NFIB: variants seen among roughly 807,000 people sequenced by gnomAD.
The protein encoded by NFIB is nuclear factor I B.
Under a neutral mutation model 61.5 loss-of-function variants are expected in NFIB, and 11 were observed. The ratio of observed to expected loss-of-function variants is 0.18; its 90% confidence interval spans 0.11 to 0.30. The LOEUF is 0.30. Among genes scored for constraint, NFIB ranks in the 10% least tolerant of loss-of-function variants. The pLI, the probability that NFIB is intolerant of heterozygous loss-of-function variation, is 1.00. For missense variants in NFIB, 471 were observed against 608.9 expected, an observed-to-expected ratio of 0.77 and a Z score of 2.38; for synonymous variants, 260 against 216.5, an observed-to-expected ratio of 1.20 and a Z score of -1.76.
At position 14,086,592 on chromosome 9, in the gene NFIB, C is replaced by CAACTAT. The variant is rs1191970284; in HGVS notation, c.*1711_*1716dup. The CAACTAT allele has an allele frequency of 9.3e-6, 2 of 214,926 alleles. No individual in the cohort carries two copies. The highest frequency in any genetic ancestry group is 4.5e-5 in the African/African-American group (2 of 44,308). The allele number at this position is 214,926 out of a possible 1,614,324, so 13.3% of individuals were successfully genotyped here. On this transcript the variant is annotated 3_prime_UTR_variant, in exon 11 of 11. Transcript: ENST00000380953. ...CTGGTCGATTACAATTTTTAAGCGG[C>CAACTAT]AACTATACACAGCCATGATATGCTT...
intron 10 of NFIB, among the ~76,000 whole-genome samples, chr9:14,109,325 C>A (rs149188032): frequency 1.3e-5 from 2 of 151,874 alleles, no homozygotes; most frequent in Non-Finnish European, 2.9e-5. Flanking sequence ...AACGAATTTG[C>A]ACAATGTGTT....
At chr9:14,365,408 C>T (rs930418559) in intron 1 of NFIB, among the ~76,000 whole-genome samples, 1 of 152,220 alleles carries the variant, frequency 6.6e-6, no homozygotes, top group Non-Finnish European at 1.5e-5. Context: ...AGACTCCACT[C>T]ACCACCAAGT....
At chr9:14,480,356 G>A in the NFIB span, among the ~76,000 whole-genome samples, 3 of 152,068 alleles carry the variant, frequency 2.0e-5, no homozygotes, top group African/African-American at 7.2e-5. Flanking sequence ...CTCAAAGCAA[G>A]CATAAGATTT....
the NFIB span, among the ~76,000 whole-genome samples, chr9:14,420,459 A>AAAAAAAAAAAAAAC: frequency 6.7e-6 from 1 of 150,286 alleles, no homozygotes; most frequent in Non-Finnish European, 1.5e-5. Context: ...AAAAAAAAAA[A>AAAAAAAAAAAAAAC]AAAAAAAAAA....
intron 1 of NFIB, among the ~76,000 whole-genome samples, chr9:14,382,561 C>A (rs2061501402): frequency 6.6e-6 from 1 of 151,920 alleles, no homozygotes; most frequent in Non-Finnish European, 1.5e-5. Flanking sequence ...TTTGGAACTA[C>A]CATTTTGGAA....
chr9:14,431,511 C>T, the NFIB span, among the ~76,000 whole-genome samples: 28,199 of 152,078 alleles, frequency 0.19, 2,971 homozygotes, highest in African/African-American at 0.28. Flanking sequence ...GCATGCCTGC[C>T]AGGCACCAGT....
At chr9:14,214,099 G>A (rs1208188046) in intron 2 of NFIB, among the ~76,000 whole-genome samples, 1 of 152,046 alleles carries the variant, frequency 6.6e-6, no homozygotes, top group Non-Finnish European at 1.5e-5. Flanking sequence ...TCCCCAAATA[G>A]GCCACATCCT....
intron 2 of NFIB, among the ~76,000 whole-genome samples, chr9:14,190,240 T>C (rs946859512): frequency 3.3e-5 from 5 of 152,178 alleles, no homozygotes; most frequent in African/African-American, 1.2e-4. Flanking sequence ...ATTATGGCTC[T>C]TAAGTCTGTG....
At chr9:14,427,937 G>GTTGTTTTTTTTTTTTTTTT in the NFIB span, among the ~76,000 whole-genome samples, 8 of 43,386 alleles carry the variant, frequency 1.8e-4, no homozygotes, top group East Asian at 7.9e-4. Context: ...TAATTCAGTT[G>GTTGTTTTTTTTTTTTTTTT]TTTTTTTTTT....
intron 2 of NFIB, among the ~76,000 whole-genome samples, chr9:14,267,894 A>G (rs1381488680): frequency 6.6e-6 from 1 of 152,170 alleles, no homozygotes; most frequent in African/African-American, 2.4e-5. Flanking sequence ...GCACTTTGGG[A>G]GGCCAAGGTG....
At chr9:14,137,437 T>A (rs1248230502) in intron 6 of NFIB, among the ~76,000 whole-genome samples, 1 of 152,220 alleles carries the variant, frequency 6.6e-6, no homozygotes, top group Non-Finnish European at 1.5e-5. Flanking sequence ...ACTTTCTGAA[T>A]TTTCCAAAAG....
intron 2 of NFIB, among the ~76,000 whole-genome samples, chr9:14,216,318 A>T (rs879619519): frequency 6.6e-6 from 1 of 152,170 alleles, no homozygotes; most frequent in Non-Finnish European, 1.5e-5. Flanking sequence ...GTGTGCATTA[A>T]CATGGTGGCA....
chr9:14,348,338 G>GA (rs5896629), intron 1 of NFIB, among the ~76,000 whole-genome samples: 84,924 of 146,454 alleles, frequency 0.58, 25,555 homozygotes, highest in African/African-American at 0.78. Flanking sequence ...TACCGGGGGT[G>GA]AAAAAAAAAA....
the NFIB span, among the ~76,000 whole-genome samples, chr9:14,491,444 T>C: frequency 8.5e-5 from 13 of 152,160 alleles, no homozygotes; most frequent in Non-Finnish European, 1.9e-4. Flanking sequence ...GAAAAAATCA[T>C]GTACCAGGAC....
chr9:14,118,334 T>C (rs542911670), intron 8 of NFIB, among the ~76,000 whole-genome samples: 1 of 152,232 alleles, frequency 6.6e-6, no homozygotes, highest in East Asian at 1.9e-4. Flanking sequence ...TGGAACAAAA[T>C]GTCTGGAGCA....
intron 2 of NFIB, among the ~76,000 whole-genome samples, chr9:14,195,511 AT>A (rs1302676829): frequency 2.0e-5 from 3 of 152,270 alleles, no homozygotes; most frequent in Non-Finnish European, 4.4e-5. Flanking sequence ...ATTTGAAAGT[AT>A]AAAGCACATA....
intron 2 of NFIB, among the ~76,000 whole-genome samples, chr9:14,284,415 CA>C (rs1180316431): frequency 6.6e-6 from 1 of 151,830 alleles, no homozygotes; most frequent in Admixed American, 6.6e-5. Context: ...TCTTTGAAAC[CA>C]AAAAAATGAA....
At chr9:14,522,690 A>G in the NFIB span, among the ~76,000 whole-genome samples, 1 of 152,232 alleles carries the variant, frequency 6.6e-6, no homozygotes, top group Non-Finnish European at 1.5e-5. Context: ...ATATGATGTT[A>G]CTTTGAGTCT....
At chr9:14,502,861 G>A in the NFIB span, among the ~76,000 whole-genome samples, 1 of 152,070 alleles carries the variant, frequency 6.6e-6, no homozygotes, top group Admixed American at 6.5e-5. Context: ...TACCCAGTGT[G>A]TAGTATTTTC....
Sources: allele counts gnomAD v4.1 joint callset (sites outside exome capture counted in the v4.1 genomes callset), GRCh38; gene constraint gnomAD v4.1.1; transcripts MANE v1.5; gene names NCBI Gene and HGNC (gene_info 2026-07-23, HGNC 2026-07-21).